AP3M1: variants seen among roughly 807,000 people sequenced by gnomAD.
AP3M1 encodes adaptor related protein complex 3 subunit mu 1, also known as AP-3 complex subunit mu-1.
Under a neutral mutation model 42.6 loss-of-function variants are expected in AP3M1, and 29 were observed. The ratio of observed to expected loss-of-function variants is 0.68; its 90% confidence interval spans 0.51 to 0.93. AP3M1 has a LOEUF of 0.93. AP3M1 is among the 40% of genes least tolerant of loss of function. The probability of loss-of-function intolerance (pLI) is 0.00; values close to 1 mark genes in which losing one functional copy is unlikely to be tolerated. For synonymous variants in AP3M1, 178 were observed against 175.3 expected (o/e 1.02, Z -0.12); for missense variants, 416 against 510.2 (o/e 0.82, Z 1.78).
chr10:74,128,601 T>C (rs759077048), intron 6 of AP3M1, among the ~76,000 whole-genome samples: 1 of 152,012 alleles, frequency 6.6e-6, no homozygotes, highest in Non-Finnish European at 1.5e-5. Context: ...AGCAGGTAAA[T>C]TGGGGAATGT....
intron 7 of AP3M1, among the ~76,000 whole-genome samples, chr10:74,125,464 GC>G (rs940778596): frequency 2.6e-5 from 4 of 152,218 alleles, no homozygotes; most frequent in African/African-American, 9.7e-5. Context: ...CCCTTTCTCA[GC>G]CCTGTGTGGT....
At chr10:74,130,136 T>C (rs774026439) in intron 4 of AP3M1, 144 bp from the exon 5 acceptor site, 3 of 639,654 alleles carry the variant, frequency 4.7e-6, no homozygotes, top group Non-Finnish European at 8.1e-6. Flanking sequence ...AGTTGTATGA[T>C]CATAGCTCAC....
chr10:74,131,187 G>A (rs775331642), intron 4 of AP3M1, among the ~76,000 whole-genome samples: 18 of 150,626 alleles, frequency 1.2e-4, no homozygotes, highest in East Asian at 1.9e-4. Flanking sequence ...TTTTTGAGAC[G>A]GAGTCTTGCT....
intron 4 of AP3M1, among the ~76,000 whole-genome samples, chr10:74,130,860 T>TA (rs1376029261): frequency 6.6e-6 from 1 of 152,090 alleles, no homozygotes; most frequent in Non-Finnish European, 1.5e-5. Flanking sequence ...CCTGTAATCC[T>TA]AGCACTTAGG....
intron 4 of AP3M1, among the ~76,000 whole-genome samples, chr10:74,131,101 G>A (rs948533161): frequency 2.0e-5 from 3 of 152,224 alleles, no homozygotes; most frequent in Non-Finnish European, 2.9e-5. Context: ...GACAATGTGA[G>A]ACTCTGTCTC....
intron 4 of AP3M1, among the ~76,000 whole-genome samples, chr10:74,130,286 C>G (rs1239697565): frequency 6.6e-6 from 1 of 152,078 alleles, no homozygotes; most frequent in Non-Finnish European, 1.5e-5. Context: ...GTCAGATTAA[C>G]TGAAGCTTTA....
chr10:74,134,219 A>T, intron 3 of AP3M1, 55 bp from the exon 4 acceptor site: 1 of 1,539,654 alleles, frequency 6.5e-7, no homozygotes, highest in Non-Finnish European at 8.8e-7. Flanking sequence ...TCATGAGAAA[A>T]TTTATTACTA....
rs745326128 is a variant in AP3M1, at chr10:74,123,790, T to C, written c.*20A>G. 12 of 1,594,392 alleles carry C rather than the reference T, an allele frequency of 7.5e-6. No homozygotes were observed. The East Asian group carries it at 2.5e-4, about 33-fold the overall frequency. ...TGACACTTGGAAAACAAACTGGTCC[T>C]GAGGAATTTTGGCCTCTTCTCATGT... On this transcript the variant is annotated 3_prime_UTR_variant, in exon 9 of 9. Coordinates refer to ENST00000355264, the MANE Select transcript of AP3M1 (RefSeq NM_012095.6).
intron 1 of AP3M1, among the ~76,000 whole-genome samples, chr10:74,145,970 A>G (rs1375153861): frequency 3.3e-5 from 5 of 152,218 alleles, no homozygotes; most frequent in African/African-American, 4.8e-5. Context: ...TTCTCAGCCA[A>G]TATCTTGACC....
At chr10:74,144,351 A>G (rs1186421945) in intron 1 of AP3M1, among the ~76,000 whole-genome samples, 1 of 151,110 alleles carries the variant, frequency 6.6e-6, no homozygotes, top group African/African-American at 2.4e-5. Context: ...TCCAACGCCC[A>G]CCTCCAGAGC....
In AP3M1 at chr10:74,121,746, A is replaced by G. The variant is rs1163956650; in HGVS notation, c.*2064T>C. 1 of 152,218 alleles carries G rather than the reference A, an allele frequency of 6.6e-6. No homozygotes were observed. Among genetic ancestry groups the G allele is most frequent in the Non-Finnish European group, 1.5e-5 (1 of 68,042 alleles). The allele number at this position is 152,218 out of a possible 1,614,324, so 9.4% of individuals were successfully genotyped here. A position where few individuals can be genotyped will look rare whatever the true frequency, so the allele number is the denominator to read the frequency against. On this transcript the variant is annotated 3_prime_UTR_variant, in exon 9 of 9. Coordinates refer to ENST00000355264, the MANE Select transcript of AP3M1 (RefSeq NM_012095.6). ...TTGGAGAATGTTCAATCAATAGTAG[A>G]CCTAAAAAAAATCAACTTGTTGCTT...
chr10:74,131,793 A>G (rs759864160), intron 4 of AP3M1, among the ~76,000 whole-genome samples: 4 of 145,536 alleles, frequency 2.7e-5, no homozygotes, highest in Non-Finnish European at 4.6e-5. Flanking sequence ...CTTCCTGCCT[A>G]AGCCTCCCAA....
chr10:74,123,994 G>T (rs1840544733), intron 8 of AP3M1, 84 bp from the exon 9 acceptor site: 18 of 1,170,404 alleles, frequency 1.5e-5, no homozygotes. Context: ...TGGTAAATCT[G>T]ACATTAACCA....
rs139413801 is a variant in AP3M1, at chr10:74,134,133, G to C, written c.477C>G (p.Thr159=). The C allele has an allele frequency of 3.7e-6, 6 of 1,614,006 alleles. No homozygotes were observed. Among genetic ancestry groups the C allele is most frequent in the Non-Finnish European group, 5.1e-6 (6 of 1,179,940 alleles). The change falls in exon 4 of 9, where the codon ACC becomes ACG. Residue 159 remains threonine (T), a synonymous_variant. Transcript: ENST00000355264. ...GSSNVGDTLP[T]GQLSNIPWRR... ...GCCATGGTATGTTGGACAGCTGCCC[G>C]GTGGGGAGTGTGTCCCCAACATTAC...
chr10:74,150,394 G>A (rs1234923375), intron 1 of AP3M1: 2 of 152,694 alleles, frequency 1.3e-5, no homozygotes, highest in African/African-American at 2.4e-5. Context: ...GGCTCTTCCA[G>A]GCACCACCCG....
Position 74,142,010 on chromosome 10 carries a change from C to T in AP3M1, c.-3-3628G>A, listed in dbSNP as rs185955803. On this transcript the variant is annotated intron_variant, in intron 1 of 8. Coordinates refer to ENST00000355264, the MANE Select transcript of AP3M1 (RefSeq NM_012095.6). Reference sequence around the variant, plus strand: ...TGCTAGGATTACAGGAGTGAGACACCGCACCTGGCCAATGTTTTATTTCTT... The same window carrying T: ...TGCTAGGATTACAGGAGTGAGACACTGCACCTGGCCAATGTTTTATTTCTT... 2.6e-4 allele frequency among the ~76,000 whole-genome samples: 40 copies of T among 152,024 alleles called. 1 individual carries two copies. The highest frequency in any genetic ancestry group is 2.2e-3 in the Admixed American group (34 of 15,248).
In AP3M1 at chr10:74,120,356, C is replaced by T. The variant is rs1051272859; in HGVS notation, c.*3454G>A. 3 of 152,102 alleles carry T rather than the reference C, an allele frequency of 2.0e-5. No individual in the cohort carries two copies. The highest frequency in any genetic ancestry group is 1.3e-4 in the Admixed American group (2 of 15,280). The allele number at this position is 152,102 out of a possible 1,614,324, so 9.4% of individuals were successfully genotyped here. ...AAGGATGTGTGTAATACAAGACAACCCTGGGGATTACACACTTGAAGGAAT... is the reference window on the plus strand; with the variant it reads ...AAGGATGTGTGTAATACAAGACAACTCTGGGGATTACACACTTGAAGGAAT... On this transcript the variant is annotated 3_prime_UTR_variant, in exon 9 of 9. Coordinates refer to ENST00000355264, the MANE Select transcript of AP3M1 (RefSeq NM_012095.6).
intron 2 of AP3M1, among the ~76,000 whole-genome samples, chr10:74,137,683 A>T (rs1840988604): frequency 6.6e-6 from 1 of 152,218 alleles, no homozygotes; most frequent in African/African-American, 2.4e-5. Flanking sequence ...TTTGCACATA[A>T]CTTATACACA....
rs1840519454 is a variant in AP3M1, at chr10:74,123,199, A to G, written c.*611T>C. 6.5e-6 allele frequency: 1 copy of G among 152,812 alleles called. No homozygotes were observed. The highest frequency in any genetic ancestry group is 2.4e-5 in the African/African-American group (1 of 41,582). The allele number at this position is 152,812 out of a possible 1,614,324, so 9.5% of individuals were successfully genotyped here. A position where few individuals can be genotyped will look rare whatever the true frequency, so the allele number is the denominator to read the frequency against. Reference sequence around the variant, plus strand: ...TACATAAAAATCTTATTTATAAAAAATACAATACCAAGTACAGTGAGAATG... The same window carrying G: ...TACATAAAAATCTTATTTATAAAAAGTACAATACCAAGTACAGTGAGAATG... On this transcript the variant is annotated 3_prime_UTR_variant, in exon 9 of 9. Coordinates refer to ENST00000355264, the MANE Select transcript of AP3M1 (RefSeq NM_012095.6).
Sources: gnomAD v4.1 joint callset for allele counts (sites outside exome capture counted in the v4.1 genomes callset) on GRCh38, gnomAD v4.1.1 for gene constraint, MANE v1.5 for transcripts, NCBI Gene and HGNC (gene_info 2026-07-23, HGNC 2026-07-21) for gene names.